The following TCF7L2 variants were observed in gnomAD, a reference collection of about 807,000 sequenced individuals.
TCF7L2 encodes transcription factor 7-like 2.
TCF7L2 carries 23 observed loss-of-function variants against 77.9 expected under a neutral mutation model. The observed-to-expected ratio is 0.30, with a 90% confidence interval of 0.21 to 0.42. The LOEUF (loss-of-function observed/expected upper bound fraction) is 0.42. Among genes scored for constraint, TCF7L2 ranks in the 10% least tolerant of loss-of-function variants. The probability of loss-of-function intolerance (pLI) is 1.00; values close to 1 mark genes in which losing one functional copy is unlikely to be tolerated. For missense variants in TCF7L2, 654 were observed against 793.1 expected (o/e 0.82, Z 2.11); for synonymous variants, 413 against 340.2 (o/e 1.21, Z -2.36).
chr10:113,157,672 TC>T, intron 11 of TCF7L2: 1 of 236,072 alleles, frequency 4.2e-6, no homozygotes, highest in Non-Finnish European at 8.4e-6. Context: ...AACGCCATCA[TC>T]CCACTCCTCT....
intron 5 of TCF7L2, among the ~76,000 whole-genome samples, chr10:113,116,134 G>GT (rs1026552171): frequency 2.6e-5 from 4 of 152,056 alleles, no homozygotes; most frequent in Non-Finnish European, 5.9e-5. Flanking sequence ...AACTGGATTG[G>GT]TTATGTATAG....
chr10:113,142,220 G>T (rs1460809917), intron 6 of TCF7L2, among the ~76,000 whole-genome samples: 1 of 152,156 alleles, frequency 6.6e-6, no homozygotes, highest in Admixed American at 6.5e-5. Flanking sequence ...GGCCAGGCTG[G>T]TCTCGAACTC....
At chr10:113,127,063 C>T in intron 5 of TCF7L2, 1 of 324,796 alleles carries the variant, frequency 3.1e-6, no homozygotes, top group Non-Finnish European at 4.5e-6. Context: ...GGTAAGCTGC[C>T]GGGGTGGATG....
chr10:113,152,902 G>C (rs1178874189), intron 11 of TCF7L2, among the ~76,000 whole-genome samples: 2 of 152,308 alleles, frequency 1.3e-5, no homozygotes, highest in South Asian at 4.1e-4. Context: ...TTACCGTTAA[G>C]AAGGAAAAAC....
At chr10:113,015,587 G>A (rs1268096149) in intron 4 of TCF7L2, among the ~76,000 whole-genome samples, 2 of 151,760 alleles carry the variant, frequency 1.3e-5, no homozygotes, top group African/African-American at 4.8e-5. Context: ...CCCTGCCTCA[G>A]CCTCCCAGGT....
intron 4 of TCF7L2, among the ~76,000 whole-genome samples, chr10:112,971,932 T>C (rs967871329): frequency 6.6e-6 from 1 of 151,660 alleles, no homozygotes; most frequent in Non-Finnish European, 1.5e-5. Context: ...TTCTTTCCTT[T>C]TTTTTTGAAG....
chr10:113,027,044 A>C (rs983767614), intron 4 of TCF7L2, among the ~76,000 whole-genome samples: 21 of 152,248 alleles, frequency 1.4e-4, no homozygotes, highest in African/African-American at 5.1e-4. Flanking sequence ...GGTCCAGAGA[A>C]GGGAGAGTGG....
Position 113,038,288 on chromosome 10 carries a change from G to A in TCF7L2, c.451-1737G>A, listed in dbSNP as rs115862598. On this transcript the variant is annotated intron_variant, in intron 4 of 13. Transcript: ENST00000627217. ...AGAGATCACTGAAGCAAGGGGAGTC[G>A]ATGCAGGGTCTTGTGGCAAGATGCA... 3.0e-3 allele frequency among the ~76,000 whole-genome samples: 461 copies of A among 152,232 alleles called. 5 individuals carry two copies. The highest frequency in any genetic ancestry group is 0.017 in the Middle Eastern group (5 of 294).
At chr10:112,980,156 T>G (rs1033693865) in intron 4 of TCF7L2, among the ~76,000 whole-genome samples, 1 of 152,200 alleles carries the variant, frequency 6.6e-6, no homozygotes, top group African/African-American at 2.4e-5. Flanking sequence ...ATACACAGTG[T>G]GAACTGGGCA....
intron 5 of TCF7L2, among the ~76,000 whole-genome samples, chr10:113,084,042 T>G (rs551008111): frequency 1.4e-4 from 21 of 152,340 alleles, no homozygotes; most frequent in African/African-American, 4.8e-4. Flanking sequence ...AACTCTGATC[T>G]TTCAGAGACG....
At chr10:112,957,810 A>G (rs577080255) in intron 3 of TCF7L2, among the ~76,000 whole-genome samples, 1 of 152,266 alleles carries the variant, frequency 6.6e-6, no homozygotes, top group Admixed American at 6.5e-5. Context: ...GGAGTGTGAG[A>G]GAGAAGGCCA....
At chr10:112,953,158 C>T (rs1248722905) in intron 3 of TCF7L2, among the ~76,000 whole-genome samples, 4 of 152,090 alleles carry the variant, frequency 2.6e-5, no homozygotes, top group Non-Finnish European at 5.9e-5. Flanking sequence ...TATTAACTAT[C>T]AGGTTTGACT....
At chr10:113,024,509 A>AT (rs1177660858) in intron 4 of TCF7L2, among the ~76,000 whole-genome samples, 1 of 151,510 alleles carries the variant, frequency 6.6e-6, no homozygotes, top group Non-Finnish European at 1.5e-5. Flanking sequence ...AGTGTTTTGG[A>AT]TTTTTAATTT....
At chr10:112,974,794 A>G (rs989817042) in intron 4 of TCF7L2, among the ~76,000 whole-genome samples, 11 of 152,230 alleles carry the variant, frequency 7.2e-5, no homozygotes, top group African/African-American at 9.6e-5. Context: ...CTACTTTATA[A>G]TATTATTTTA....
intron 10 of TCF7L2, 109 bp from the exon 11 acceptor site, chr10:113,152,224 C>A: frequency 9.7e-7 from 1 of 1,032,852 alleles, no homozygotes; most frequent in Non-Finnish European, 1.5e-6. Flanking sequence ...ACGGACTCAC[C>A]CAAAAAGGCA....
At chr10:113,119,906 C>G (rs1275783815) in intron 5 of TCF7L2, among the ~76,000 whole-genome samples, 3 of 152,210 alleles carry the variant, frequency 2.0e-5, no homozygotes, top group Admixed American at 2.0e-4. Flanking sequence ...TCTACCAGCG[C>G]TTGGCCTCCA....
intron 8 of TCF7L2, among the ~76,000 whole-genome samples, chr10:113,147,813 G>A (rs562263383): frequency 2.0e-5 from 3 of 152,214 alleles, no homozygotes; most frequent in East Asian, 1.9e-4. Context: ...TAAGCTGATC[G>A]ATTGAATTAT....
intron 4 of TCF7L2, among the ~76,000 whole-genome samples, chr10:113,018,712 C>T (rs1276522613): frequency 1.3e-5 from 2 of 152,094 alleles, no homozygotes; most frequent in Non-Finnish European, 2.9e-5. Context: ...GAGTGATCCG[C>T]CTGTCTTGAC....
At chr10:113,082,526 T>C (rs2059415624) in intron 5 of TCF7L2, among the ~76,000 whole-genome samples, 1 of 152,202 alleles carries the variant, frequency 6.6e-6, no homozygotes, top group Non-Finnish European at 1.5e-5. Flanking sequence ...CTATTCATGA[T>C]GCCATATTTC....
Sources: allele counts gnomAD v4.1 joint callset (sites outside exome capture counted in the v4.1 genomes callset), GRCh38; gene constraint gnomAD v4.1.1; transcripts MANE v1.5; gene names NCBI Gene and HGNC (gene_info 2026-07-23, HGNC 2026-07-21).